ADARB2: variants seen among roughly 807,000 people sequenced by gnomAD.
The protein encoded by ADARB2 is inactive double-stranded RNA-specific editase B2.
Under a neutral mutation model 62.2 loss-of-function variants are expected in ADARB2, and 25 were observed. The observed-to-expected ratio is 0.40, with a 90% CI of 0.29 to 0.56. The LOEUF (loss-of-function observed/expected upper bound fraction) is 0.56. Ranked by LOEUF, ADARB2 falls within the 20% of genes least tolerant of loss-of-function variation. The probability of loss-of-function intolerance (pLI) is 0.43; values close to 1 mark genes in which losing one functional copy is unlikely to be tolerated. For synonymous variants in ADARB2, 572 were observed against 500.8 expected (o/e 1.14, Z -1.90); for missense variants, 1,071 against 1,077.4 (o/e 0.99, Z 0.08).
chr10:1,696,861 G>C (rs537530603), intron 1 of ADARB2, among the ~76,000 whole-genome samples: 1 of 152,198 alleles, frequency 6.6e-6, no homozygotes, highest in Non-Finnish European at 1.5e-5. Context: ...CCAGCTTCTA[G>C]AGCAAGTTTG....
chr10:1,673,654 C>T (rs1374847680), intron 1 of ADARB2, among the ~76,000 whole-genome samples: 3 of 152,292 alleles, frequency 2.0e-5, no homozygotes, highest in African/African-American at 7.2e-5. Flanking sequence ...ACTACGGGAA[C>T]GTCGGATCAT....
chr10:1,658,303 G>GTC (rs998051217), intron 1 of ADARB2, among the ~76,000 whole-genome samples: 1 of 149,524 alleles, frequency 6.7e-6, no homozygotes. Flanking sequence ...TAGCTCTTCT[G>GTC]TCTCTCTCTA....
intron 3 of ADARB2, among the ~76,000 whole-genome samples, chr10:1,360,224 C>T (rs1023425187): frequency 1.1e-4 from 17 of 152,252 alleles, no homozygotes; most frequent in African/African-American, 2.4e-4. Context: ...GCTCCCTGGA[C>T]GGACTCCGGG....
intron 1 of ADARB2, among the ~76,000 whole-genome samples, chr10:1,576,138 A>G (rs74108922): frequency 0.51 from 16,187 of 31,866 alleles, 3,255 homozygotes; most frequent in Middle Eastern, 0.54. Context: ...CAGGGTCACA[A>G]GAGGGGGGTC....
intron 1 of ADARB2, among the ~76,000 whole-genome samples, chr10:1,577,250 C>CTCATGCACACAGGAGGTGGAT (rs1833034975): frequency 1.8e-5 from 2 of 110,224 alleles, no homozygotes; most frequent in African/African-American, 7.2e-5. Flanking sequence ...AAAGCTGTCC[C>CTCATGCACACAGGAGGTGGAT]GGAAACTGCA....
intron 5 of ADARB2, among the ~76,000 whole-genome samples, 182 bp from the exon 6 acceptor site, chr10:1,234,027 A>G (rs1184748190): frequency 3.5e-5 from 5 of 141,600 alleles, no homozygotes; most frequent in Non-Finnish European, 7.5e-5. Context: ...CTGGAGTGCA[A>G]TGGTGCCATA....
chr10:1,674,678 C>T (rs1834438716), intron 1 of ADARB2, among the ~76,000 whole-genome samples: 1 of 152,152 alleles, frequency 6.6e-6, no homozygotes, highest in Non-Finnish European at 1.5e-5. Context: ...ATCTCCTCTA[C>T]CTGACCGGTC....
chr10:1,359,034 GC>G (rs1220479406), intron 3 of ADARB2, among the ~76,000 whole-genome samples: 1 of 152,214 alleles, frequency 6.6e-6, no homozygotes, highest in East Asian at 1.9e-4. Flanking sequence ...GGGGTGGGGA[GC>G]AAACTGAAGA....
rs11250659 is a variant in ADARB2 at position 1,604,815 on chromosome 10, G to A, written c.100+132236C>T. On this transcript the variant is annotated intron_variant, in intron 1 of 9. Transcript: ENST00000381312. ...TTTTATTTGGTTCTAGATTCAAGGG[G>A]CACCCAACCACTTCTCGTGGTAAGT... Among the ~76,000 whole-genome samples, 385 of 152,246 alleles carry A rather than the reference G, an allele frequency of 2.5e-3. 3 individuals are homozygous for A. The highest frequency in any genetic ancestry group is 7.9e-3 in the East Asian group (41 of 5,170).
intron 6 of ADARB2, among the ~76,000 whole-genome samples, chr10:1,227,270 G>T (rs1428577868): frequency 6.6e-6 from 1 of 152,222 alleles, no homozygotes; most frequent in East Asian, 1.9e-4. Context: ...GCAGAATTAG[G>T]GTGGGAGTGA....
In ADARB2 at chr10:1,180,461, C is replaced by G. The variant is rs1564212261; in HGVS notation, c.*2732G>C. 6.5e-6 allele frequency: 1 copy of G among 152,712 alleles called. No individual in the cohort carries two copies. The highest frequency in any genetic ancestry group is 1.5e-5 in the Non-Finnish European group (1 of 68,442). The allele number at this position is 152,712 out of a possible 1,614,324, so 9.5% of individuals were successfully genotyped here. On this transcript the variant is annotated 3_prime_UTR_variant, in exon 10 of 10. Coordinates refer to ENST00000381312, the MANE Select transcript of ADARB2 (RefSeq NM_018702.4). ...CCTGGGGCTGTGGGAATCCTGGGAC[C>G]TGGCCCCTTCGGGCACTCCTGGCAC...
At chr10:1,643,797 G>C (rs901835748) in intron 1 of ADARB2, among the ~76,000 whole-genome samples, 5 of 152,140 alleles carry the variant, frequency 3.3e-5, no homozygotes, top group African/African-American at 1.2e-4. Context: ...TGTCTCTGCA[G>C]AAACCCAATC....
intron 1 of ADARB2, among the ~76,000 whole-genome samples, chr10:1,396,793 TGGAG>T (rs1832619310): frequency 2.1e-5 from 1 of 47,634 alleles, no homozygotes; most frequent in Admixed American, 2.1e-4. Context: ...CCCTCCCGAG[TGGAG>T]GCTTCCTGGG....
rs367895192 is a variant in ADARB2 at position 1,363,014 on chromosome 10, G to A, written c.1077+14C>T. 6.8e-5 allele frequency: 91 copies of A among 1,336,910 alleles called. No individual in the cohort carries two copies. The highest frequency in any genetic ancestry group is 7.7e-5 in the Non-Finnish European group (80 of 1,041,188). 82.8% of individuals were successfully genotyped at this position (1,336,910 alleles called of 1,614,324 possible). A position where few individuals can be genotyped will look rare whatever the true frequency, so the allele number is the denominator to read the frequency against. ...AGCGCCGCCCGTTCCCCCTGCACCC[G>A]CCGCGCCCCTCACCTGCGGCATTGG... On this transcript the variant is annotated intron_variant, in intron 3 of 9. Coordinates refer to ENST00000381312, the MANE Select transcript of ADARB2 (RefSeq NM_018702.4).
At chr10:1,434,382 G>C (rs1211288210) in intron 1 of ADARB2, among the ~76,000 whole-genome samples, 2 of 152,112 alleles carry the variant, frequency 1.3e-5, no homozygotes, top group Admixed American at 6.5e-5. Flanking sequence ...CTCCCGCTGG[G>C]GCCTCAGATG....
chr10:1,366,180 G>A (rs1186643813), intron 2 of ADARB2, among the ~76,000 whole-genome samples: 6 of 152,204 alleles, frequency 3.9e-5, no homozygotes, highest in Non-Finnish European at 8.8e-5. Flanking sequence ...GTGACTTCAC[G>A]TGTGACTTCA....
chr10:1,694,853 G>T (rs1022372676), intron 1 of ADARB2, among the ~76,000 whole-genome samples: 1 of 152,170 alleles, frequency 6.6e-6, no homozygotes, highest in African/African-American at 2.4e-5. Context: ...ATGACTCACA[G>T]CAAAGGTGAG....
intron 1 of ADARB2, among the ~76,000 whole-genome samples, chr10:1,618,845 C>T (rs1833674747): frequency 6.6e-6 from 1 of 152,214 alleles, no homozygotes; most frequent in African/African-American, 2.4e-5. Context: ...AAACAAATCA[C>T]AGGCGAGATT....
At chr10:1,251,357 G>A (rs914185668) in intron 4 of ADARB2, among the ~76,000 whole-genome samples, 2 of 152,158 alleles carry the variant, frequency 1.3e-5, no homozygotes, top group Non-Finnish European at 2.9e-5. Context: ...TTCAACTACA[G>A]GGCATTCTGG....
Sources: gnomAD v4.1 joint callset for allele counts (sites outside exome capture counted in the v4.1 genomes callset) on GRCh38, gnomAD v4.1.1 for gene constraint, MANE v1.5 for transcripts, NCBI Gene and HGNC (gene_info 2026-07-23, HGNC 2026-07-21) for gene names.